The following TCP11L1 variants were observed in gnomAD, a reference collection of about 807,000 sequenced individuals.
The protein encoded by TCP11L1 is t-complex 11 like 1, also known as T-complex protein 11-like protein 1.
A neutral mutation model predicts 48.9 loss-of-function variants in TCP11L1; 28 were observed. That is an observed-to-expected ratio of 0.57 (90% CI 0.42 to 0.78). The LOEUF (loss-of-function observed/expected upper bound fraction) is 0.78. TCP11L1 is among the 30% of genes least tolerant of loss of function. TCP11L1 has a pLI of 0.00. For synonymous variants in TCP11L1, 204 were observed against 231.9 expected (o/e 0.88, Z 1.09); for missense variants, 505 against 613.4 (o/e 0.82, Z 1.87).
In TCP11L1 at chr11:33,058,082, C is replaced by T. The variant is rs773374331; in HGVS notation, c.581C>T (p.Ala194Val). The T allele has an allele frequency of 1.2e-6, 2 of 1,614,100 alleles. No individual in the cohort carries two copies. Among genetic ancestry groups the T allele is most frequent in the African/African-American group, 2.7e-5 (2 of 75,036 alleles). The change falls in exon 5 of 10, where the codon GCT becomes GTT. Residue 194 changes from alanine to valine, a missense_variant. Physicochemically the swap from Ala to Val is moderately conservative, Grantham distance 64. Around this residue, in one of 3 missense-constraint regions of TCP11L1, gnomAD observed 335 missense variants for 413.3 expected, o/e 0.81. Transcript: ENST00000334274. The stretch of plus-strand genomic sequence containing the variant: ...ATGATGGGGACACTGTGTGCACCTG[C>T]TCGAGATGAGGAAGTTAAGAAACTA... The part of the protein sequence containing the change: ...IGMMGTLCAP[A>V]RDEEVKKLKD...
intron 2 of TCP11L1, 36 bp from the exon 3 acceptor site, chr11:33,054,557 G>T: frequency 1.3e-6 from 2 of 1,590,426 alleles, no homozygotes; most frequent in South Asian, 2.3e-5. Flanking sequence ...TTCAGATCCA[G>T]GGAAGCAAAT....
At chr11:33,044,020 CGTGAGCTAG>C in intron 2 of TCP11L1, 84 bp downstream of exon 2, 1 of 1,369,684 alleles carries the variant, frequency 7.3e-7, no homozygotes. Flanking sequence ...TGCATGTGGC[CGTGAGCTAG>C]GTTCTAATAA....
intron 7 of TCP11L1, among the ~76,000 whole-genome samples, chr11:33,065,410 T>C (rs1213048609): frequency 6.6e-6 from 1 of 152,146 alleles, no homozygotes; most frequent in Admixed American, 6.5e-5. Context: ...ATTATAGGCA[T>C]GCACCACCAC....
chr11:33,055,795 A>G (rs534213269), intron 3 of TCP11L1, among the ~76,000 whole-genome samples: 3 of 152,284 alleles, frequency 2.0e-5, no homozygotes, highest in Non-Finnish European at 4.4e-5. Flanking sequence ...TTTTGTGCTC[A>G]AGACAGAAAG....
At chr11:33,070,753 A>C (rs563918357) in intron 9 of TCP11L1, among the ~76,000 whole-genome samples, 1 of 151,638 alleles carries the variant, frequency 6.6e-6, no homozygotes, top group East Asian at 1.9e-4. Flanking sequence ...CTGTAATCCC[A>C]GCATTTGGGA....
intron 2 of TCP11L1, among the ~76,000 whole-genome samples, chr11:33,048,272 C>A (rs564455323): frequency 6.6e-6 from 1 of 152,062 alleles, no homozygotes; most frequent in Non-Finnish European, 1.5e-5. Flanking sequence ...CTCAACCTCC[C>A]TAGTAGCTGA....
intron 2 of TCP11L1, among the ~76,000 whole-genome samples, chr11:33,049,329 C>T (rs1027756051): frequency 1.3e-5 from 2 of 151,620 alleles, no homozygotes; most frequent in South Asian, 2.1e-4. Context: ...GATGGTAAGA[C>T]ATTGATTATT....
chr11:33,044,551 AG>A (rs1416761252), intron 2 of TCP11L1, among the ~76,000 whole-genome samples: 1 of 152,208 alleles, frequency 6.6e-6, no homozygotes, highest in Non-Finnish European at 1.5e-5. Context: ...AGTTTTTAAG[AG>A]GGAATGTCAT....
Position 33,065,874 on chromosome 11 carries a change from G to C in TCP11L1, c.1017G>C (p.Gln339His). Residue 339 changes from glutamine to histidine, a missense_variant, in exon 8 of 10, where the codon CAG (glutamine) becomes CAC (histidine). By Grantham distance (24) the Gln-to-His change is conservative. Coordinates refer to ENST00000334274, the MANE Select transcript of TCP11L1 (RefSeq NM_018393.4). Reference protein sequence around the residue: ...DQSRFHELQLQLEQLTILGAV... With the variant: ...DQSRFHELQLHLEQLTILGAV... The stretch of plus-strand genomic sequence containing the variant: ...CTCGCTTCCACGAGCTCCAGTTGCA[G>C]CTGGAACAACTGACCATCCTGGGGG... 5 of 1,614,136 alleles carry C rather than the reference G, an allele frequency of 3.1e-6. No homozygotes were observed. The highest frequency in any genetic ancestry group is 1.7e-4 in the Middle Eastern group (1 of 6,058).
intron 6 of TCP11L1, among the ~76,000 whole-genome samples, chr11:33,060,406 G>A (rs1854434737): frequency 6.6e-6 from 1 of 152,126 alleles, no homozygotes; most frequent in African/African-American, 2.4e-5. Flanking sequence ...GATGGCCCAG[G>A]AGTCATGACC....
chr11:33,055,233 A>G (rs574014899), intron 3 of TCP11L1, among the ~76,000 whole-genome samples: 2 of 152,150 alleles, frequency 1.3e-5, no homozygotes, highest in South Asian at 4.2e-4. Context: ...GGGAGGGGGG[A>G]GTTTGTTTTA....
intron 2 of TCP11L1, among the ~76,000 whole-genome samples, chr11:33,053,171 A>G (rs891627267): frequency 7.6e-5 from 11 of 143,968 alleles, no homozygotes; most frequent in African/African-American, 1.6e-4. Context: ...TTTTGAGACA[A>G]TCTTCCTCTG....
At chr11:33,056,554 A>T (rs1228763622) in intron 3 of TCP11L1, 1 of 166,160 alleles carries the variant, frequency 6.0e-6, no homozygotes, top group Non-Finnish European at 1.3e-5. Context: ...CTGAATTGTT[A>T]TCTTATTATT....
intron 2 of TCP11L1, among the ~76,000 whole-genome samples, chr11:33,054,101 C>A (rs1854242658): frequency 1.3e-5 from 2 of 152,184 alleles, no homozygotes; most frequent in African/African-American, 4.8e-5. Flanking sequence ...CAGGTGTGAA[C>A]CACTGTGCCT....
At chr11:33,054,447 C>T in intron 2 of TCP11L1, 146 bp from the exon 3 acceptor site, 1 of 872,044 alleles carries the variant, frequency 1.1e-6, no homozygotes, top group Admixed American at 2.9e-5. Flanking sequence ...AAGTAACATT[C>T]TGTTGCTGTT....
chr11:33,062,590 T>C (rs1854499352), intron 7 of TCP11L1, among the ~76,000 whole-genome samples: 1 of 152,238 alleles, frequency 6.6e-6, no homozygotes, highest in African/African-American at 2.4e-5. Flanking sequence ...TGTGCAACCA[T>C]TGCCACCAGC....
chr11:33,062,262 C>T (rs1427226451), intron 7 of TCP11L1, among the ~76,000 whole-genome samples: 1 of 152,084 alleles, frequency 6.6e-6, no homozygotes, highest in African/African-American at 2.4e-5. Flanking sequence ...TCATCACCTC[C>T]AATAGAAACG....
In TCP11L1 at chr11:33,058,050, T is replaced by C; in HGVS notation, c.549T>C (p.Ile183=). The C allele has an allele frequency of 6.2e-7, 1 of 1,614,116 alleles. No homozygotes were observed. Among genetic ancestry groups the C allele is most frequent in the Admixed American group, 1.7e-5 (1 of 60,012 alleles). ...ALDISKLAEF[I]IGMMGTLCAP... is the part of the protein sequence containing the mutation. ...ACATTTCCAAGCTGGCAGAATTCAT[T>C]ATTGGCATGATGGGGACACTGTGTG... Residue 183 remains isoleucine, a synonymous_variant, in exon 5 of 10, where the codon ATT becomes ATC. Coordinates refer to ENST00000334274, the MANE Select transcript of TCP11L1 (RefSeq NM_018393.4).
Position 33,061,822 on chromosome 11 carries a change from T to C in TCP11L1, c.972+96T>C, listed in dbSNP as rs560380685. The C allele has an allele frequency of 1.1e-5, 14 of 1,275,670 alleles. No individual in the cohort carries two copies. The South Asian group carries it at 2.6e-4, about 24-fold the overall frequency. 79.0% of individuals were successfully genotyped at this position (1,275,670 alleles called of 1,614,324 possible). On this transcript the variant is annotated intron_variant, in intron 7 of 9. Transcript: ENST00000334274. ...TTGGCCAGGCACGGTGGCTCACTCC[T>C]GTAATCCCAGCACTTTGGGAGGCAG... is the stretch of plus-strand genomic sequence containing the variant.
Sources: allele counts gnomAD v4.1 joint callset (sites outside exome capture counted in the v4.1 genomes callset), GRCh38; gene constraint gnomAD v4.1.1; regional missense constraint gnomAD v4.1.1; transcripts MANE v1.5; gene names NCBI Gene and HGNC (gene_info 2026-07-23, HGNC 2026-07-21).